ZFR: variants seen among roughly 807,000 people sequenced by gnomAD.
ZFR encodes zinc finger RNA binding protein.
In ZFR, 19 loss-of-function variants were observed where a neutral mutation model predicts 130.7. That is an observed-to-expected ratio of 0.15 (90% CI 0.10 to 0.21). The LOEUF is 0.21. Among genes scored for constraint, ZFR ranks in the 10% least tolerant of loss-of-function variants. The probability of loss-of-function intolerance (pLI) is 1.00; values close to 1 mark genes in which losing one functional copy is unlikely to be tolerated. For synonymous variants in ZFR, 466 were observed against 456.9 expected (o/e 1.02, Z -0.25); for missense variants, 872 against 1,321.5 (o/e 0.66, Z 5.27).
chr5:32,377,750 A>C (rs1341980221), intron 17 of ZFR, among the ~76,000 whole-genome samples: 1 of 151,386 alleles, frequency 6.6e-6, no homozygotes, highest in African/African-American at 2.4e-5. Flanking sequence ...ATAGTGGCAC[A>C]ATCTCGGCTC....
intron 19 of ZFR, 111 bp downstream of exon 19, chr5:32,363,837 C>G (rs1426094834): frequency 3.5e-6 from 3 of 865,136 alleles, no homozygotes; most frequent in Non-Finnish European, 5.1e-6. Context: ...ACTACAGAAG[C>G]AGAAGAACGA....
intron 17 of ZFR, among the ~76,000 whole-genome samples, chr5:32,367,902 T>TA (rs2111672837): frequency 6.6e-6 from 1 of 152,328 alleles, no homozygotes; most frequent in Non-Finnish European, 1.5e-5. Context: ...AAGCTAAAAA[T>TA]AGTTTTGTCC....
At chr5:32,370,565 T>C (rs186834193) in intron 17 of ZFR, among the ~76,000 whole-genome samples, 2 of 152,280 alleles carry the variant, frequency 1.3e-5, no homozygotes, top group Admixed American at 6.5e-5. Flanking sequence ...TTTGTAGACA[T>C]AGGGTCTTGC....
Position 32,355,936 on chromosome 5 carries a change from C to A in ZFR, c.3049G>T (p.Ala1017Ser). 2 of 1,583,038 alleles carry A rather than the reference C, an allele frequency of 1.3e-6. No homozygotes were observed. Among genetic ancestry groups the A allele is most frequent in the Non-Finnish European group, 1.7e-6 (2 of 1,168,994 alleles). ...REDITSSAQF[A>S]LRLLAFRQIH... ...TGGCGGAATGCAAGGAGTCTCAATG[C>A]AAACTGCAACAAAGAGAGTCAGAAT... Residue 1017 changes from alanine (A) to serine (S), a missense_variant, in exon 20 of 20, where the codon GCA (alanine) becomes TCA (serine). Around this residue, in one of 7 missense-constraint regions of ZFR, gnomAD observed 158 missense variants for 264.0 expected, o/e 0.60. Coordinates refer to ENST00000265069, the MANE Select transcript of ZFR (RefSeq NM_016107.5).
intron 2 of ZFR, among the ~76,000 whole-genome samples, chr5:32,434,569 C>T (rs1269010391): frequency 6.6e-6 from 1 of 152,214 alleles, no homozygotes; most frequent in Non-Finnish European, 1.5e-5. Flanking sequence ...AGTTATTTCA[C>T]TACTGTACCA....
chr5:32,387,443 C>G (rs1753066227), intron 14 of ZFR, 106 bp downstream of exon 14: 1 of 1,365,748 alleles, frequency 7.3e-7, no homozygotes, highest in Non-Finnish European at 1.0e-6. Context: ...GAAAGTCAAG[C>G]CAAAATTTTA....
chr5:32,418,446 A>G lies in ZFR; in HGVS notation c.421-654T>C, dbSNP rs183803774. ...ATTACAAAAGAACACTTGTGTTACTAAACTTTGTAATTGCTCCTTTTCAGT... is the reference window on the plus strand; with the variant it reads ...ATTACAAAAGAACACTTGTGTTACTGAACTTTGTAATTGCTCCTTTTCAGT... On this transcript the variant is annotated intron_variant, in intron 3 of 19. Coordinates refer to ENST00000265069, the MANE Select transcript of ZFR (RefSeq NM_016107.5). Among the ~76,000 whole-genome samples the G allele has an allele frequency of 1.4e-4, 22 of 152,314 alleles. No homozygotes were observed. In the East Asian group the frequency reaches 3.3e-3, roughly 23 times the overall value.
intron 2 of ZFR, among the ~76,000 whole-genome samples, chr5:32,424,658 A>G (rs1001812174): frequency 2.0e-5 from 3 of 152,206 alleles, no homozygotes; most frequent in East Asian, 1.9e-4. Context: ...ATAAAAGAGG[A>G]AAAAATCCAT....
intron 19 of ZFR, among the ~76,000 whole-genome samples, chr5:32,361,574 T>C (rs921560264): frequency 6.6e-6 from 1 of 151,990 alleles, no homozygotes; most frequent in African/African-American, 2.4e-5. Flanking sequence ...TGAATATTTA[T>C]ACATTTTTAC....
chr5:32,365,130 A>G (rs1231350463), intron 17 of ZFR, among the ~76,000 whole-genome samples: 5 of 152,202 alleles, frequency 3.3e-5, no homozygotes, highest in Admixed American at 6.5e-5. Flanking sequence ...CTCACTTAGC[A>G]TAATATTTAA....
intron 8 of ZFR, among the ~76,000 whole-genome samples, chr5:32,402,187 T>C (rs1753463445): frequency 6.6e-6 from 1 of 152,182 alleles, no homozygotes; most frequent in Admixed American, 6.5e-5. Context: ...GCCAGGGTTA[T>C]AATCTTAGTA....
intron 2 of ZFR, among the ~76,000 whole-genome samples, chr5:32,440,849 G>A (rs1303221026): frequency 6.6e-6 from 1 of 152,130 alleles, no homozygotes; most frequent in Non-Finnish European, 1.5e-5. Flanking sequence ...ACATCTTAAA[G>A]AATCTGATCT....
chr5:32,436,576 C>T (rs892005088), intron 2 of ZFR, among the ~76,000 whole-genome samples: 1 of 152,158 alleles, frequency 6.6e-6, no homozygotes, highest in African/African-American at 2.4e-5. Context: ...TGAATAATGG[C>T]TAACATTGAT....
chr5:32,417,549 T>C lies in ZFR; in HGVS notation c.565+99A>G, dbSNP rs1243223233. On this transcript the variant is annotated intron_variant, in intron 4 of 19. Coordinates refer to ENST00000265069, the MANE Select transcript of ZFR (RefSeq NM_016107.5). ...GAACCTGCCTCCTAAGATGATGTGA[T>C]ATGAGTTTAGATGGACTCAAAAGCT... 15 of 1,461,566 alleles carry C rather than the reference T, an allele frequency of 1.0e-5. No individual in the cohort carries two copies. The Admixed American group carries it at 1.3e-4, about 12-fold the overall frequency. 90.5% of individuals were successfully genotyped at this position (1,461,566 alleles called of 1,614,324 possible).
chr5:32,388,037 C>A (rs1299431037), intron 13 of ZFR, among the ~76,000 whole-genome samples: 1 of 152,058 alleles, frequency 6.6e-6, no homozygotes, highest in Non-Finnish European at 1.5e-5. Flanking sequence ...AAAGTTACAG[C>A]TAATAATGCA....
chr5:32,418,259 CA>C lies in ZFR; in HGVS notation c.421-468del, dbSNP rs58214285. 1.3e-3 allele frequency among the ~76,000 whole-genome samples: 173 copies of C among 131,946 alleles called. 2 individuals carry two copies. In the East Asian group the frequency reaches 0.015, roughly 12 times the overall value. 86.6% of individuals were successfully genotyped at this position (131,946 alleles called of 152,430 possible). On this transcript the variant is annotated intron_variant, in intron 3 of 19. Transcript: ENST00000265069. ...TGGGCGACAGAGAGAGATTCTGCCT[CA>C]AAAAAAAAAAAGAAAAAAAAAAAAT...
chr5:32,443,146 A>G (rs1754510217), intron 2 of ZFR, among the ~76,000 whole-genome samples: 1 of 152,232 alleles, frequency 6.6e-6, no homozygotes, highest in Non-Finnish European at 1.5e-5. Flanking sequence ...GAAGTAAATC[A>G]AATGAAAAAA....
intron 9 of ZFR, among the ~76,000 whole-genome samples, 198 bp from the exon 10 acceptor site, chr5:32,397,536 C>T (rs565279387): frequency 6.6e-6 from 1 of 152,302 alleles, no homozygotes; most frequent in African/African-American, 2.4e-5. Context: ...TCACTACAAC[C>T]TCAGCCTCCT....
Position 32,397,334 on chromosome 5 carries a change from C to T in ZFR, c.1718G>A (p.Arg573Gln), listed in dbSNP as rs1753336359. 2 of 1,610,146 alleles carry T rather than the reference C, an allele frequency of 1.2e-6. No individual in the cohort carries two copies. Among genetic ancestry groups the T allele is most frequent in the Non-Finnish European group, 1.7e-6 (2 of 1,178,830 alleles). Residue 573 changes from arginine to glutamine, a missense_variant, in exon 10 of 20, where the codon CGA becomes CAA. By Grantham distance (43) the Arg-to-Gln change is conservative. Coordinates refer to ENST00000265069, the MANE Select transcript of ZFR (RefSeq NM_016107.5). ...CCGAATTACTTTTCCTTCATCATTTCGTACCTTGGTGTGGAAAAAAAATTC... is the reference window on the plus strand; with the variant it reads ...CCGAATTACTTTTCCTTCATCATTTTGTACCTTGGTGTGGAAAAAAAATTC... ...PVGHDYVEEV[R>Q]NDEGKVIRFH...
Sources: allele counts gnomAD v4.1 joint callset (sites outside exome capture counted in the v4.1 genomes callset), GRCh38; gene constraint gnomAD v4.1.1; regional missense constraint gnomAD v4.1.1; transcripts MANE v1.5; gene names NCBI Gene and HGNC (gene_info 2026-07-23, HGNC 2026-07-21).